The following PTER variants were observed in gnomAD, a reference collection of about 807,000 sequenced individuals.
PTER encodes the protein phosphotriesterase related.
Under a neutral mutation model 29.6 loss-of-function variants are expected in PTER, and 38 were observed. The ratio of observed to expected loss-of-function variants is 1.28; its 90% CI spans 0.99 to 1.68. PTER has a LOEUF of 1.68. Ranked by LOEUF, PTER falls within the 40% of genes most tolerant of loss-of-function variation. The pLI is 0.00. For synonymous variants in PTER, 172 were observed against 154.5 expected (o/e 1.11, Z -0.84); for missense variants, 482 against 427.8 (o/e 1.13, Z -1.12).
chr10:16,514,722 C>T, downstream of PTER: 4 of 1,595,366 alleles, frequency 2.5e-6, no homozygotes, highest in Non-Finnish European at 3.4e-6. Flanking sequence ...GTGAAACAGA[C>T]AAGAATTAGG....
At chr10:16,503,165 C>T (rs868783947) in intron 3 of PTER, among the ~76,000 whole-genome samples, 14 of 144,450 alleles carry the variant, frequency 9.7e-5, no homozygotes, top group South Asian at 8.9e-4. Context: ...AAATGATCCA[C>T]CCACCTTGTC....
chr10:16,461,688 T>C (rs1465832363), intron 1 of PTER, among the ~76,000 whole-genome samples: 2 of 152,200 alleles, frequency 1.3e-5, no homozygotes, highest in Non-Finnish European at 2.9e-5. Context: ...AGACCATTAA[T>C]AAAGGCGACC....
chr10:16,471,834 T>C (rs746631318), intron 1 of PTER, among the ~76,000 whole-genome samples: 3 of 152,224 alleles, frequency 2.0e-5, no homozygotes, highest in Non-Finnish European at 4.4e-5. Context: ...ACTCTTTGAG[T>C]ATAAATCTTT....
intron 4 of PTER, among the ~76,000 whole-genome samples, chr10:16,508,003 CA>C (rs1836645106): frequency 1.3e-5 from 2 of 151,874 alleles, no homozygotes; most frequent in Non-Finnish European, 2.9e-5. Flanking sequence ...TTCACAATCT[CA>C]AAAACATGAT....
At chr10:16,501,360 C>G (rs1836337393) in intron 3 of PTER, among the ~76,000 whole-genome samples, 1 of 114,856 alleles carries the variant, frequency 8.7e-6, no homozygotes, top group Non-Finnish European at 1.7e-5. Context: ...CACACACACA[C>G]ACACACACAT....
chr10:16,480,056 G>T (rs1444759323), intron 1 of PTER, among the ~76,000 whole-genome samples: 1 of 135,496 alleles, frequency 7.4e-6, no homozygotes, highest in Non-Finnish European at 1.6e-5. Flanking sequence ...GATTACATTT[G>T]CACCAACCTA....
At position 16,511,211 on chromosome 10, in the gene PTER, T is replaced by A; in HGVS notation, c.1005T>A (p.Asp335Glu). The A allele has an allele frequency of 6.2e-7, 1 of 1,614,140 alleles. No individual in the cohort carries two copies. Among genetic ancestry groups the A allele is most frequent in the Non-Finnish European group, 8.5e-7 (1 of 1,179,978 alleles). Residue 335 changes from aspartate to glutamate, a missense_variant, in exon 5 of 5, where the codon GAT (aspartate) becomes GAA (glutamate). Asp to Glu is a conservative substitution (Grantham distance 45, BLOSUM62 2). Coordinates refer to ENST00000535784, the MANE Select transcript of PTER (RefSeq NM_001261836.2). ...GAGGCATAACTGAGAATGTGCTTGATAAGATTCTAATAGAGAACCCTAAGC... is the reference window on the plus strand; with the variant it reads ...GAGGCATAACTGAGAATGTGCTTGAAAAGATTCTAATAGAGAACCCTAAGC... The part of the protein sequence containing the change: ...LLRGITENVL[D>E]KILIENPKQW...
intron 1 of PTER, among the ~76,000 whole-genome samples, chr10:16,448,481 A>G (rs181350098): frequency 5.9e-5 from 9 of 152,306 alleles, no homozygotes; most frequent in African/African-American, 2.2e-4. Flanking sequence ...TGGTTGTAGG[A>G]GGGGCCAAAT....
chr10:16,466,929 T>C (rs1285581305), intron 1 of PTER, among the ~76,000 whole-genome samples: 1 of 152,242 alleles, frequency 6.6e-6, no homozygotes, highest in African/African-American at 2.4e-5. Context: ...TTACTTCTTA[T>C]AAAGGAAGAC....
At position 16,505,066 on chromosome 10, in the gene PTER, T is replaced by G. The variant is rs1487468485; in HGVS notation, c.745T>G (p.Cys249Gly). ...GCTCTTGGAGTTTGCTCAACTTGGC[T>G]GCTACTTGGAATATGATCTCTTTGG... is the stretch of plus-strand genomic sequence containing the variant. ...KELLEFAQLG[C>G]YLEYDLFGTE... is the part of the protein sequence containing the mutation. The change falls in exon 4 of 5, where the codon TGC becomes GGC. Residue 249 changes from cysteine to glycine, a missense_variant. Coordinates refer to ENST00000535784, the MANE Select transcript of PTER (RefSeq NM_001261836.2). 6.2e-7 allele frequency: 1 copy of G among 1,614,052 alleles called. No homozygotes were observed. The highest frequency in any genetic ancestry group is 1.3e-5 in the African/African-American group (1 of 75,056).
chr10:16,486,214 C>T, intron 2 of PTER, 138 bp from the exon 3 acceptor site: 1 of 1,021,708 alleles, frequency 9.8e-7, no homozygotes, highest in Non-Finnish European at 1.4e-6. Flanking sequence ...TTTCCTTGGC[C>T]AATATTAATT....
intron 2 of PTER, 45 bp downstream of exon 2, chr10:16,484,861 A>G: frequency 6.6e-7 from 1 of 1,522,540 alleles, no homozygotes; most frequent in South Asian, 1.3e-5. Flanking sequence ...ATAAATTCAG[A>G]ACAGCCAGAA....
intron 3 of PTER, among the ~76,000 whole-genome samples, chr10:16,504,266 G>A (rs990137599): frequency 6.6e-6 from 1 of 152,008 alleles, no homozygotes; most frequent in South Asian, 2.1e-4. Context: ...CTCTACGCTT[G>A]TCTGTAGCCT....
chr10:16,444,465 A>T (rs11253994), intron 1 of PTER, among the ~76,000 whole-genome samples: 84,748 of 151,222 alleles, frequency 0.56, 24,618 homozygotes, highest in African/African-American at 0.71. Flanking sequence ...GAGGACCTAC[A>T]GGGAACTTTA....
intron 3 of PTER, chr10:16,486,832 G>A (rs1428031251): frequency 5.6e-6 from 3 of 531,420 alleles, no homozygotes; most frequent in Non-Finnish European, 9.8e-6. Flanking sequence ...AGTGTCCTAG[G>A]TATTTCACAT....
chr10:16,493,546 C>T (rs1249334489), intron 3 of PTER, among the ~76,000 whole-genome samples: 6 of 152,050 alleles, frequency 3.9e-5, no homozygotes, highest in Non-Finnish European at 7.4e-5. Flanking sequence ...CTGGGGTTAC[C>T]GGCTTGAGCC....
chr10:16,458,883 G>A (rs767074946), intron 1 of PTER, among the ~76,000 whole-genome samples: 1 of 152,052 alleles, frequency 6.6e-6, no homozygotes, highest in Non-Finnish European at 1.5e-5. Context: ...TTTTTGAAGT[G>A]AGCATAAAGC....
At chr10:16,463,034 A>G (rs1249216561) in intron 1 of PTER, among the ~76,000 whole-genome samples, 1 of 151,830 alleles carries the variant, frequency 6.6e-6, no homozygotes, top group African/African-American at 2.4e-5. Flanking sequence ...TGTACTAAAA[A>G]TACAAAAAAT....
chr10:16,513,844 C>T (rs1376984932), downstream of PTER: 1 of 153,024 alleles, frequency 6.5e-6, no homozygotes, highest in Non-Finnish European at 1.5e-5. Context: ...TCCTATGATA[C>T]ACTGTCAATC....
Sources: gnomAD v4.1 joint callset for allele counts (sites outside exome capture counted in the v4.1 genomes callset) on GRCh38, gnomAD v4.1.1 for gene constraint, MANE v1.5 for transcripts, NCBI Gene and HGNC (gene_info 2026-07-23, HGNC 2026-07-21) for gene names.